The following RASGRF1 variants were observed in gnomAD, a reference collection of about 807,000 sequenced individuals.
The protein encoded by RASGRF1 is Ras protein specific guanine nucleotide releasing factor 1, also known as ras-specific guanine nucleotide-releasing factor 1.
In RASGRF1, 40 loss-of-function variants were observed where a neutral mutation model predicts 138.7. The observed-to-expected ratio is 0.29, with a 90% CI of 0.22 to 0.38. The LOEUF is 0.38. Among genes scored for constraint, RASGRF1 ranks in the 10% least tolerant of loss-of-function variants. The pLI, the probability that RASGRF1 is intolerant of heterozygous loss-of-function variation, is 1.00. For synonymous variants in RASGRF1, 614 were observed against 663.2 expected (o/e 0.93, Z 1.14); for missense variants, 1,108 against 1,650.4 (o/e 0.67, Z 5.69).
At position 78,979,577 on chromosome 15, in the gene RASGRF1, G is replaced by T. The variant is rs182814537; in HGVS notation, c.3494+1043C>A. 3.9e-5 allele frequency among the ~76,000 whole-genome samples: 6 copies of T among 152,368 alleles called. No individual in the cohort carries two copies. In the East Asian group the frequency reaches 1.2e-3, roughly 29 times the overall value. ...ACTCACTCAAGGAAAGGAGGGTTGAGACTAGTGCAGAAGCCTGAGTAAGCA... is the reference window on the plus strand; with the variant it reads ...ACTCACTCAAGGAAAGGAGGGTTGATACTAGTGCAGAAGCCTGAGTAAGCA... On this transcript the variant is annotated intron_variant, in intron 24 of 26. Transcript: ENST00000558480.
chr15:79,090,262 G>C lies in RASGRF1; in HGVS notation c.237C>G (p.Pro79=), dbSNP rs765481020. Reference sequence around the variant, plus strand: ...GCTCCTTGGCCGACAGCGCCGGCTTGGGGGAGGGCGCGCGGTCGCAGACGC... The same window carrying C: ...GCTCCTTGGCCGACAGCGCCGGCTTCGGGGAGGGCGCGCGGTCGCAGACGC... The part of the protein sequence containing the change: ...EGCVCDRAPS[P]KPALSAKEPL... Residue 79 remains proline (P), a synonymous_variant, in exon 1 of 27, where the codon CCC becomes CCG. Coordinates refer to ENST00000558480, the MANE Select transcript of RASGRF1 (RefSeq NM_001145648.3). The C allele has an allele frequency of 6.2e-6, 10 of 1,610,172 alleles. No individual in the cohort carries two copies. The highest frequency in any genetic ancestry group is 3.3e-5 in the Admixed American group (2 of 59,872).
At chr15:79,033,198 C>T (rs544950827) in intron 6 of RASGRF1, among the ~76,000 whole-genome samples, 22 of 152,178 alleles carry the variant, frequency 1.4e-4, no homozygotes, top group African/African-American at 1.2e-4. Context: ...TGCCCTTCAA[C>T]GATTTGATAG....
chr15:79,039,865 G>C (rs2057273971), intron 5 of RASGRF1, among the ~76,000 whole-genome samples: 1 of 151,850 alleles, frequency 6.6e-6, no homozygotes. Flanking sequence ...GGCCTCCTGG[G>C]CTCAAGTGAT....
chr15:78,968,846 C>G (rs1408812156), intron 26 of RASGRF1, among the ~76,000 whole-genome samples: 2 of 152,164 alleles, frequency 1.3e-5, no homozygotes, highest in Admixed American at 6.5e-5. Context: ...AGAATCCCCC[C>G]ACCTTGATAT....
At chr15:78,998,948 G>T in intron 17 of RASGRF1, 123 bp from the exon 18 acceptor site, 2 of 706,762 alleles carry the variant, frequency 2.8e-6, no homozygotes, top group East Asian at 2.7e-5. Flanking sequence ...TCATGGGCAG[G>T]GGGATAACAA....
intron 10 of RASGRF1, among the ~76,000 whole-genome samples, chr15:79,024,646 G>A (rs1340170040): frequency 2.0e-5 from 3 of 152,094 alleles, no homozygotes; most frequent in Non-Finnish European, 4.4e-5. Flanking sequence ...TGATAGTTTT[G>A]TAAAGGGCAG....
chr15:79,086,580 C>T (rs1028688402), intron 1 of RASGRF1, among the ~76,000 whole-genome samples: 14 of 151,566 alleles, frequency 9.2e-5, no homozygotes, highest in African/African-American at 3.4e-4. Flanking sequence ...CTAAGACCCC[C>T]CCCCCCCAGC....
chr15:79,001,014 T>C (rs1278123184), intron 16 of RASGRF1, among the ~76,000 whole-genome samples: 6 of 152,314 alleles, frequency 3.9e-5, no homozygotes, highest in South Asian at 4.1e-4. Flanking sequence ...TCTCTCACCA[T>C]TGGGTATCTC....
chr15:78,994,626 A>G (rs2056350645), intron 20 of RASGRF1, among the ~76,000 whole-genome samples: 1 of 152,164 alleles, frequency 6.6e-6, no homozygotes, highest in Non-Finnish European at 1.5e-5. Flanking sequence ...CTGACTTGGA[A>G]AAAAGTGGGC....
chr15:78,982,278 T>C (rs2056052129), intron 23 of RASGRF1, among the ~76,000 whole-genome samples: 1 of 152,162 alleles, frequency 6.6e-6, no homozygotes, highest in Admixed American at 6.5e-5. Flanking sequence ...GCTGTGAAAA[T>C]GTGCAGAAGA....
chr15:78,994,931 T>C (rs1488858701), intron 20 of RASGRF1, among the ~76,000 whole-genome samples: 5 of 150,916 alleles, frequency 3.3e-5, no homozygotes, highest in East Asian at 1.9e-4. Flanking sequence ...AGCACCTTTT[T>C]TTTTTTTTTT....
In RASGRF1 at chr15:79,090,230, T is replaced by C; in HGVS notation, c.269A>G (p.Glu90Gly). 1 of 1,604,060 alleles carries C rather than the reference T, an allele frequency of 6.2e-7. No homozygotes were observed. The highest frequency in any genetic ancestry group is 1.7e-5 in the Admixed American group (1 of 59,668). ...KPALSAKEPL[E>G]KQHYFTVNFS... is the part of the protein sequence containing the mutation. ...ACGCGACGCTCGCCTCACCTGTTTC[T>C]CCAGCGGCTCCTTGGCCGACAGCGC... is the stretch of plus-strand genomic sequence containing the variant. Residue 90 changes from glutamate (E) to glycine (G), a missense_variant, in exon 1 of 27, where the codon GAG becomes GGG. Glu to Gly is a moderately conservative substitution (Grantham distance 98, BLOSUM62 -2). Around this residue, in one of 3 missense-constraint regions of RASGRF1, gnomAD observed 253 missense variants for 329.5 expected, o/e 0.77. Transcript: ENST00000558480.
At chr15:79,077,844 C>T (rs538865614) in intron 1 of RASGRF1, among the ~76,000 whole-genome samples, 23 of 144,288 alleles carry the variant, frequency 1.6e-4, no homozygotes, top group South Asian at 4.7e-4. Context: ...CAATTCATCC[C>T]GCCTTTTGGG....
intron 26 of RASGRF1, among the ~76,000 whole-genome samples, chr15:78,967,481 C>G (rs904810270): frequency 2.6e-5 from 4 of 151,010 alleles, no homozygotes; most frequent in African/African-American, 9.8e-5. Context: ...CTCATGAGGT[C>G]GAGGCTACAG....
Position 79,006,055 on chromosome 15 carries a change from G to C in RASGRF1, c.2075+131C>G. On this transcript the variant is annotated intron_variant, in intron 14 of 26. Transcript: ENST00000558480. This position sits in a 1 kb window ranked among gnomAD's most constrained non-coding sequence, Gnocchi z 4.0. Reference sequence around the variant, plus strand: ...AGGGGGCAGTGGCGGTGTGTGTCCCGCAGCACCCCAACACGTTACTGCTGC... The same window carrying C: ...AGGGGGCAGTGGCGGTGTGTGTCCCCCAGCACCCCAACACGTTACTGCTGC... 2 of 1,337,124 alleles carry C rather than the reference G, an allele frequency of 1.5e-6. No individual in the cohort carries two copies. Among genetic ancestry groups the C allele is most frequent in the Non-Finnish European group, 2.0e-6 (2 of 975,614 alleles). The allele number at this position is 1,337,124 out of a possible 1,614,324, so 82.8% of individuals were successfully genotyped here. A position where few individuals can be genotyped will look rare whatever the true frequency, so the allele number is the denominator to read the frequency against.
chr15:79,066,415 A>G (rs2057681758), intron 1 of RASGRF1, among the ~76,000 whole-genome samples: 1 of 152,236 alleles, frequency 6.6e-6, no homozygotes, highest in Non-Finnish European at 1.5e-5. Flanking sequence ...GGGAGCCTGT[A>G]GGTAGGTGAG....
In RASGRF1 at chr15:79,073,201, C is replaced by A. The variant is rs1425181156; in HGVS notation, c.277-8675G>T. On this transcript the variant is annotated intron_variant, in intron 1 of 26. Transcript: ENST00000558480. This position sits in a 1 kb window ranked among gnomAD's most constrained non-coding sequence, Gnocchi z 4.2. Reference sequence around the variant, plus strand: ...TCAATAACAAATCTTCACAGGCCTACTAGAGTTGCTGGAATAGATCTAGTA... The same window carrying A: ...TCAATAACAAATCTTCACAGGCCTAATAGAGTTGCTGGAATAGATCTAGTA... Among the ~76,000 whole-genome samples the A allele has an allele frequency of 6.6e-6, 1 of 151,974 alleles. No homozygotes were observed. Among genetic ancestry groups the A allele is most frequent in the Non-Finnish European group, 1.5e-5 (1 of 68,006 alleles).
intron 16 of RASGRF1, among the ~76,000 whole-genome samples, chr15:79,001,147 T>C (rs1716930137): frequency 6.6e-6 from 1 of 152,214 alleles, no homozygotes; most frequent in South Asian, 2.1e-4. Context: ...TCTTGGAGTC[T>C]TTCCCCTTAT....
chr15:79,016,095 C>T (rs1237053936), intron 12 of RASGRF1, among the ~76,000 whole-genome samples: 1 of 152,212 alleles, frequency 6.6e-6, no homozygotes, highest in African/African-American at 2.4e-5. Flanking sequence ...GGGGAGCTGC[C>T]TCTTTTCCCC....
Sources: gnomAD v4.1 joint callset for allele counts (sites outside exome capture counted in the v4.1 genomes callset) on GRCh38, gnomAD v4.1.1 for gene constraint, gnomAD v4.1.1 regional missense constraint, Gnocchi (gnomAD v3.1) non-coding constraint, MANE v1.5 for transcripts, NCBI Gene and HGNC (gene_info 2026-07-23, HGNC 2026-07-21) for gene names.